The following TMEM141 variants were observed in gnomAD, a reference collection of about 807,000 sequenced individuals.
The protein encoded by TMEM141 is transmembrane protein 141.
A neutral mutation model predicts 15.9 loss-of-function variants in TMEM141; 18 were observed. The observed-to-expected ratio is 1.13, with a 90% CI of 0.78 to 1.68. TMEM141 has a LOEUF of 1.68. Among genes scored for constraint, TMEM141 ranks in the 40% most tolerant of loss-of-function variants. The pLI, the probability that TMEM141 is intolerant of heterozygous loss-of-function variation, is 0.00. For synonymous variants in TMEM141, 69 were observed against 54.0 expected, an observed-to-expected ratio of 1.28 and a Z score of -1.22; for missense variants, 161 against 139.5, an observed-to-expected ratio of 1.15 and a Z score of -0.78.
chr9:136,792,762 A>G lies in TMEM141; in HGVS notation c.314-57A>G, dbSNP rs147664045. 2.6e-5 allele frequency: 35 copies of G among 1,363,344 alleles called. No homozygotes were observed. The East Asian group carries it at 5.7e-4, about 22-fold the overall frequency. The allele number at this position is 1,363,344 out of a possible 1,614,324, so 84.5% of individuals were successfully genotyped here. A position where few individuals can be genotyped will look rare whatever the true frequency, so the allele number is the denominator to read the frequency against. On this transcript the variant is annotated intron_variant, in intron 4 of 4. Coordinates refer to ENST00000290079, the MANE Select transcript of TMEM141 (RefSeq NM_032928.4). The stretch of plus-strand genomic sequence containing the variant: ...GTTTCTGCCATGATAAAATGGGCAC[A>G]GGGATGCCCAGCCACGATGGATGTG...
At position 136,791,359 on chromosome 9, in the gene TMEM141, G is replaced by C; in HGVS notation, c.-12G>C. On this transcript the variant is annotated 5_prime_UTR_variant, in exon 1 of 5. Coordinates refer to ENST00000290079, the MANE Select transcript of TMEM141 (RefSeq NM_032928.4). ...GCGCCTGCGCAGGCCCGCTCCCCGAGCCCTGCCAACCATGGTGAACTTGGG... is the reference window on the plus strand; with the variant it reads ...GCGCCTGCGCAGGCCCGCTCCCCGACCCCTGCCAACCATGGTGAACTTGGG... 3 of 1,556,614 alleles carry C rather than the reference G, an allele frequency of 1.9e-6. No homozygotes were observed. Among genetic ancestry groups the C allele is most frequent in the Non-Finnish European group, 1.7e-6 (2 of 1,150,492 alleles).
At position 136,792,852 on chromosome 9, in the gene TMEM141, C is replaced by G. The variant is rs769255496; in HGVS notation, c.*20C>G. 6 of 1,552,622 alleles carry G rather than the reference C, an allele frequency of 3.9e-6. No individual in the cohort carries two copies. Among genetic ancestry groups the G allele is most frequent in the Non-Finnish European group, 4.4e-6 (5 of 1,148,662 alleles). ...AGCTAGGAGAGCTCCAGCAGGGGCA[C>G]AGAGGATTGGGGGCAGGAGGAGTCT... On this transcript the variant is annotated 3_prime_UTR_variant, in exon 5 of 5. Coordinates refer to ENST00000290079, the MANE Select transcript of TMEM141 (RefSeq NM_032928.4).
rs375076549 is a variant in TMEM141, at chr9:136,792,281, C to A, written c.236C>A (p.Thr79Lys). ...VAGSVVSYGV[T>K]RVESEKCNNL... ...GGCTCTGTGGTCAGCTACGGGGTGACGAGAGTGGAGTCGGAGAAATGCAAC... is the reference window on the plus strand; with the variant it reads ...GGCTCTGTGGTCAGCTACGGGGTGAAGAGAGTGGAGTCGGAGAAATGCAAC... The change falls in exon 4 of 5, where the codon ACG (threonine) becomes AAG (lysine). Residue 79 changes from threonine to lysine, a missense_variant. Transcript: ENST00000290079. 21 of 1,588,258 alleles carry A rather than the reference C, an allele frequency of 1.3e-5. 1 individual carries two copies. The South Asian group carries it at 2.2e-4, about 16-fold the overall frequency.
intron 2 of TMEM141, 43 bp downstream of exon 2, chr9:136,791,820 C>G: frequency 6.2e-7 from 1 of 1,607,956 alleles, no homozygotes; most frequent in Non-Finnish European, 8.5e-7. Flanking sequence ...GAGAACGCAC[C>G]CTCCCGCCCT....
At chr9:136,792,055 G>C (rs1847596437) in intron 3 of TMEM141, 25 bp downstream of exon 3, 1 of 1,613,060 alleles carries the variant, frequency 6.2e-7, no homozygotes, top group African/African-American at 1.3e-5. Flanking sequence ...GCCCCTGCCT[G>C]GGCTCTTTGA....
intron 4 of TMEM141, 93 bp downstream of exon 4, chr9:136,792,451 C>CTAGA (rs1449204208): frequency 1.9e-6 from 2 of 1,053,672 alleles, no homozygotes; most frequent in Admixed American, 2.1e-5. Context: ...ATGCGATAGG[C>CTAGA]TAGACAAGGT....
intron 4 of TMEM141, among the ~76,000 whole-genome samples, 166 bp from the exon 5 acceptor site, chr9:136,792,653 C>T (rs371432678): frequency 6.8e-4 from 104 of 152,316 alleles, no homozygotes; most frequent in African/African-American, 2.4e-3. Context: ...CGTGGGCACC[C>T]GAGAGGAGTG....
chr9:136,792,441 A>G, intron 4 of TMEM141, 83 bp downstream of exon 4: 2 of 1,143,616 alleles, frequency 1.7e-6, no homozygotes, highest in East Asian at 2.6e-5. Flanking sequence ...TGGGTGCACC[A>G]TGCGATAGGC....
intron 1 of TMEM141, 81 bp from the exon 2 acceptor site, chr9:136,791,630 G>A (rs1847590649): frequency 6.3e-7 from 1 of 1,588,342 alleles, no homozygotes; most frequent in East Asian, 2.2e-5. Flanking sequence ...CCACAGCCAG[G>A]GTGTGCCCAG....
chr9:136,792,683 C>T (rs185853619), intron 4 of TMEM141, 136 bp from the exon 5 acceptor site: 379 of 685,488 alleles, frequency 5.5e-4, no homozygotes, highest in Middle Eastern at 1.0e-3. Flanking sequence ...TGAGAAGCCC[C>T]GCATTGGACC....
rs1419033009 is a variant in TMEM141, at chr9:136,791,955, A to G, written c.130A>G (p.Met44Val). ...GVFTFVTGTG[M>V]AFGLQMFIQR... ...ACCTCGGCTCTTTGCAGGCACCGGC[A>G]TGGCCTTTGGCTTGCAGATGTTCAT... The change falls in exon 3 of 5, where the codon ATG becomes GTG. Residue 44 changes from methionine to valine, a missense_variant. Met to Val is a conservative substitution (Grantham distance 21). Coordinates refer to ENST00000290079, the MANE Select transcript of TMEM141 (RefSeq NM_032928.4). 6.2e-7 allele frequency: 1 copy of G among 1,614,130 alleles called. No homozygotes were observed. The highest frequency in any genetic ancestry group is 8.5e-7 in the Non-Finnish European group (1 of 1,180,014).
rs776018323 is a variant in TMEM141 at position 136,792,275 on chromosome 9, G to A, written c.230G>A (p.Gly77Glu). 7 of 1,587,432 alleles carry A rather than the reference G, an allele frequency of 4.4e-6. No homozygotes were observed. The highest frequency in any genetic ancestry group is 1.7e-4 in the Middle Eastern group (1 of 6,046). ...AVVAGSVVSYGVTRVESEKCN... is the reference protein window; with the variant it reads ...AVVAGSVVSYEVTRVESEKCN... The stretch of plus-strand genomic sequence containing the variant: ...GTTGCAGGCTCTGTGGTCAGCTACG[G>A]GGTGACGAGAGTGGAGTCGGAGAAA... The change falls in exon 4 of 5, where the codon GGG (glycine) becomes GAG (glutamate). Residue 77 changes from glycine to glutamate, a missense_variant. Physicochemically the swap from Gly to Glu is moderately conservative, Grantham distance 98. Coordinates refer to ENST00000290079, the MANE Select transcript of TMEM141 (RefSeq NM_032928.4).
rs1331994593 is a variant in TMEM141 at position 136,792,273 on chromosome 9, C to T, written c.228C>T (p.Tyr76=). ...VAVVAGSVVS[Y]GVTRVESEKC... Reference sequence around the variant, plus strand: ...CAGTTGCAGGCTCTGTGGTCAGCTACGGGGTGACGAGAGTGGAGTCGGAGA... The same window carrying T: ...CAGTTGCAGGCTCTGTGGTCAGCTATGGGGTGACGAGAGTGGAGTCGGAGA... Residue 76 remains tyrosine, a synonymous_variant, in exon 4 of 5, where the codon TAC becomes TAT. Transcript: ENST00000290079. The T allele has an allele frequency of 1.3e-5, 20 of 1,586,812 alleles. No individual in the cohort carries two copies. Among genetic ancestry groups the T allele is most frequent in the Admixed American group, 8.9e-5 (5 of 56,004 alleles).
chr9:136,791,636 C>T, intron 1 of TMEM141, 75 bp from the exon 2 acceptor site: 1 of 1,592,180 alleles, frequency 6.3e-7, no homozygotes, highest in Non-Finnish European at 8.6e-7. Context: ...CCAGGGTGTG[C>T]CCAGAGGAGG....
chr9:136,792,818 G>A lies in TMEM141; in HGVS notation c.314-1G>A, dbSNP rs138348706. On this transcript the variant is annotated splice_acceptor_variant, in intron 4 of 4. Coordinates refer to ENST00000290079, the MANE Select transcript of TMEM141 (RefSeq NM_032928.4). LOFTEE classifies it high-confidence loss of function. Reference sequence around the variant, plus strand: ...AGCTTGTCTCTCTTTGCCTTTTACAGATCAGAGAAGCTAGGAGAGCTCCAG... The same window carrying A: ...AGCTTGTCTCTCTTTGCCTTTTACAAATCAGAGAAGCTAGGAGAGCTCCAG... 3.1e-5 allele frequency: 48 copies of A among 1,571,112 alleles called. No homozygotes were observed. Among genetic ancestry groups the A allele is most frequent in the Non-Finnish European group, 3.8e-5 (44 of 1,157,958 alleles).
chr9:136,792,720 C>T (rs549638757), intron 4 of TMEM141, 99 bp from the exon 5 acceptor site: 64 of 946,078 alleles, frequency 6.8e-5, no homozygotes, highest in Non-Finnish European at 1.0e-4. Context: ...TGCCCGTTGT[C>T]CTTGTTACGG....
Position 136,791,967 on chromosome 9 carries a change from T to C in TMEM141, c.142T>C (p.Leu48=). ...FVTGTGMAFG[L]QMFIQRKFPY... ...TGCAGGCACCGGCATGGCCTTTGGCTTGCAGATGTTCATTCAGAGGAAGTT... is the reference window on the plus strand; with the variant it reads ...TGCAGGCACCGGCATGGCCTTTGGCCTGCAGATGTTCATTCAGAGGAAGTT... Residue 48 remains leucine, a synonymous_variant, in exon 3 of 5, where the codon TTG becomes CTG. Coordinates refer to ENST00000290079, the MANE Select transcript of TMEM141 (RefSeq NM_032928.4). 6.2e-7 allele frequency: 1 copy of C among 1,614,136 alleles called. No homozygotes were observed.
rs1424309886 is a variant in TMEM141, at chr9:136,793,094, G to C, written c.*262G>C. The C allele has an allele frequency of 9.7e-6, 3 of 310,696 alleles. No individual in the cohort carries two copies. The highest frequency in any genetic ancestry group is 1.7e-5 in the Non-Finnish European group (3 of 172,740). 19.2% of individuals were successfully genotyped at this position (310,696 alleles called of 1,614,324 possible). A position where few individuals can be genotyped will look rare whatever the true frequency, so the allele number is the denominator to read the frequency against. ...GGTATTGGGATGCATGTTCTGCACT[G>C]CCAGCAGAGAGGGTGTGTCTGGGGG... is the stretch of plus-strand genomic sequence containing the variant. On this transcript the variant is annotated 3_prime_UTR_variant, in exon 5 of 5. Transcript: ENST00000290079.
chr9:136,792,005 G>A lies in TMEM141; in HGVS notation c.180G>A (p.Leu60=). The part of the protein sequence containing the change: ...MFIQRKFPYP[L]QWSLLVAVVA... Reference sequence around the variant, plus strand: ...TTCAGAGGAAGTTTCCATACCCTTTGCAGTGGAGCCTCCTAGTGGCCGTGG... The same window carrying A: ...TTCAGAGGAAGTTTCCATACCCTTTACAGTGGAGCCTCCTAGTGGCCGTGG... Residue 60 remains leucine, a synonymous_variant, in exon 3 of 5, where the codon TTG becomes TTA. Transcript: ENST00000290079. 6.2e-7 allele frequency: 1 copy of A among 1,614,076 alleles called. No homozygotes were observed. The highest frequency in any genetic ancestry group is 8.5e-7 in the Non-Finnish European group (1 of 1,180,016).
Sources: allele counts gnomAD v4.1 joint callset (sites outside exome capture counted in the v4.1 genomes callset), GRCh38; gene constraint gnomAD v4.1.1; transcripts MANE v1.5; gene names NCBI Gene and HGNC (gene_info 2026-07-23, HGNC 2026-07-21).